The following GNAQ variants were observed in gnomAD, a reference collection of about 807,000 sequenced individuals.
The protein encoded by GNAQ is G protein subunit alpha q, also known as guanine nucleotide-binding protein G(q) subunit alpha.
GNAQ carries 8 observed loss-of-function variants against 43.9 expected under a neutral mutation model. The ratio of observed to expected loss-of-function variants is 0.18; its 90% confidence interval spans 0.11 to 0.33. The LOEUF is 0.33. GNAQ is among the 10% of genes least tolerant of loss of function. The pLI is 1.00. For missense variants in GNAQ, 158 were observed against 450.8 expected (o/e 0.35, Z 5.88); for synonymous variants, 155 against 170.7 (o/e 0.91, Z 0.71).
chr9:77,960,454 T>C (rs899637961), intron 1 of GNAQ, among the ~76,000 whole-genome samples: 2 of 152,202 alleles, frequency 1.3e-5, no homozygotes, highest in Non-Finnish European at 2.9e-5. Context: ...TTAGTTGCCC[T>C]GTTACCCCTG....
chr9:78,021,045 C>CTTT (rs545575616), intron 1 of GNAQ, among the ~76,000 whole-genome samples: 12,626 of 111,864 alleles, frequency 0.11, 1,087 homozygotes, highest in East Asian at 0.25. Context: ...CAGGAAGCTG[C>CTTT]TTTTTTTTTT....
intron 5 of GNAQ, among the ~76,000 whole-genome samples, chr9:77,762,256 T>G (rs1587904597): frequency 1.7e-5 from 2 of 119,956 alleles, no homozygotes; most frequent in African/African-American, 6.5e-5. Context: ...GGTTGGGGGG[T>G]CAGCCCCCCG....
chr9:77,979,047 T>C (rs113315838), intron 1 of GNAQ, among the ~76,000 whole-genome samples: 10,915 of 152,066 alleles, frequency 0.072, 481 homozygotes, highest in South Asian at 0.11. Context: ...AGAGTAAGAC[T>C]CTGTCTCAGA....
intron 2 of GNAQ, among the ~76,000 whole-genome samples, chr9:77,907,540 G>A (rs1587401553): frequency 6.6e-6 from 1 of 152,256 alleles, no homozygotes; most frequent in East Asian, 1.9e-4. Flanking sequence ...CACTTCCTCT[G>A]GCTCGAAGAG....
intron 1 of GNAQ, among the ~76,000 whole-genome samples, chr9:77,970,640 T>G (rs1823226299): frequency 1.3e-5 from 2 of 152,112 alleles, no homozygotes; most frequent in Non-Finnish European, 2.9e-5. Flanking sequence ...TTTAATGCAG[T>G]GTGTAGAGGG....
chr9:77,904,875 C>T (rs770524178), intron 2 of GNAQ, among the ~76,000 whole-genome samples: 2 of 139,302 alleles, frequency 1.4e-5, no homozygotes, highest in Non-Finnish European at 2.9e-5. Context: ...TTAAAGGAGA[C>T]ACACGAAGAA....
chr9:77,768,882 C>A (rs569503934), intron 5 of GNAQ, among the ~76,000 whole-genome samples: 1 of 152,286 alleles, frequency 6.6e-6, no homozygotes, highest in South Asian at 2.1e-4. Flanking sequence ...CCAAAATGTT[C>A]TGAGTGGAGT....
At chr9:77,801,861 G>C (rs138725830) in intron 3 of GNAQ, among the ~76,000 whole-genome samples, 10 of 152,248 alleles carry the variant, frequency 6.6e-5, no homozygotes, top group African/African-American at 2.4e-4. Context: ...TTGTGAAGCA[G>C]GTAAAATTTA....
At chr9:77,886,764 A>G (rs1828313486) in intron 2 of GNAQ, among the ~76,000 whole-genome samples, 1 of 152,106 alleles carries the variant, frequency 6.6e-6, no homozygotes, top group African/African-American at 2.4e-5. Flanking sequence ...TGGCTCATGA[A>G]CCTTTTATCT....
intron 2 of GNAQ, among the ~76,000 whole-genome samples, chr9:77,853,266 G>A (rs952597217): frequency 6.6e-6 from 1 of 151,914 alleles, no homozygotes; most frequent in African/African-American, 2.4e-5. Context: ...TGGCTCTTTG[G>A]GCATATTTTT....
chr9:77,967,513 C>A (rs1334524978), intron 1 of GNAQ, among the ~76,000 whole-genome samples: 2 of 152,162 alleles, frequency 1.3e-5, no homozygotes, highest in East Asian at 1.9e-4. Flanking sequence ...CTGACACATA[C>A]TACAACATGG....
At chr9:77,900,293 G>C (rs1052757229) in intron 2 of GNAQ, among the ~76,000 whole-genome samples, 5 of 152,114 alleles carry the variant, frequency 3.3e-5, no homozygotes, top group Non-Finnish European at 7.4e-5. Context: ...AGTCAAAAAA[G>C]ATCCTTCTGT....
intron 1 of GNAQ, among the ~76,000 whole-genome samples, chr9:77,989,154 T>C (rs1407992182): frequency 2.0e-5 from 3 of 152,224 alleles, no homozygotes; most frequent in African/African-American, 4.8e-5. Flanking sequence ...TTTAAAAATC[T>C]TGAAAACCAA....
At chr9:77,802,842 C>T (rs1826767542) in intron 3 of GNAQ, among the ~76,000 whole-genome samples, 1 of 152,138 alleles carries the variant, frequency 6.6e-6, no homozygotes, top group Non-Finnish European at 1.5e-5. Flanking sequence ...GATTTAGCTG[C>T]TTAAACCCAC....
rs978164770 is a variant in GNAQ, at chr9:77,734,357, C to T, written c.736-5690G>A. ...ATACAAGTTATCCACCTGTCTCTCC[C>T]GGGTGGTATTTTTTTCTCCCATCAA... On this transcript the variant is annotated intron_variant, in intron 5 of 6. Coordinates refer to ENST00000286548, the MANE Select transcript of GNAQ (RefSeq NM_002072.5). 7.9e-5 allele frequency among the ~76,000 whole-genome samples: 12 copies of T among 152,150 alleles called. No homozygotes were observed. In the East Asian group the frequency reaches 1.3e-3, roughly 17 times the overall value.
intron 5 of GNAQ, among the ~76,000 whole-genome samples, chr9:77,746,848 CAG>C (rs1409932190): frequency 1.3e-5 from 2 of 152,014 alleles, no homozygotes; most frequent in Non-Finnish European, 2.9e-5. Flanking sequence ...AAGACAATAA[CAG>C]AAACTAAGAG....
chr9:77,732,890 C>T (rs1238541701), intron 5 of GNAQ, among the ~76,000 whole-genome samples: 2 of 152,114 alleles, frequency 1.3e-5, no homozygotes, highest in Non-Finnish European at 2.9e-5. Flanking sequence ...AGAAGTAGGT[C>T]CTGCCTGGGC....
intron 1 of GNAQ, among the ~76,000 whole-genome samples, chr9:77,947,988 T>C (rs1393763191): frequency 6.6e-6 from 1 of 152,162 alleles, no homozygotes. Flanking sequence ...CTTCATAGGG[T>C]GGTTCTTGAG....
chr9:78,007,775 G>A (rs1406270708), intron 1 of GNAQ, among the ~76,000 whole-genome samples: 1 of 152,168 alleles, frequency 6.6e-6, no homozygotes, highest in African/African-American at 2.4e-5. Flanking sequence ...TCTGGGAACA[G>A]GGCTGTAATT....
Sources: gnomAD v4.1 joint callset for allele counts (sites outside exome capture counted in the v4.1 genomes callset) on GRCh38, gnomAD v4.1.1 for gene constraint, MANE v1.5 for transcripts, NCBI Gene and HGNC (gene_info 2026-07-23, HGNC 2026-07-21) for gene names.